Variants in NOL4L observed in about 807,000 individuals in gnomAD.
NOL4L encodes the protein nucleolar protein 4 like.
NOL4L carries 7 observed loss-of-function variants against 64.5 expected under a neutral mutation model. The ratio of observed to expected loss-of-function variants is 0.11; its 90% CI spans 0.06 to 0.20. NOL4L has a LOEUF of 0.20. Ranked by LOEUF, NOL4L falls within the 10% of genes least tolerant of loss-of-function variation. NOL4L has a pLI of 1.00. For synonymous variants in NOL4L, 413 were observed against 401.0 expected (o/e 1.03, Z -0.36); for missense variants, 680 against 967.1 (o/e 0.70, Z 3.94).
intron 1 of NOL4L, among the ~76,000 whole-genome samples, chr20:32,561,529 T>C (rs1979017882): frequency 6.6e-6 from 1 of 151,970 alleles, no homozygotes; most frequent in African/African-American, 2.4e-5. Flanking sequence ...GGGACAGGTG[T>C]GGTGCCCCCA....
At chr20:32,454,006 T>C in intron 6 of NOL4L, 1 of 524,814 alleles carries the variant, frequency 1.9e-6, no homozygotes, top group Non-Finnish European at 3.4e-6. Flanking sequence ...CAATAGTGTA[T>C]GCAGAGACCT....
intron 1 of NOL4L, among the ~76,000 whole-genome samples, chr20:32,582,412 C>T (rs1232830219): frequency 6.6e-6 from 1 of 152,154 alleles, no homozygotes; most frequent in East Asian, 1.9e-4. Flanking sequence ...GCTGGGCCGG[C>T]AGGACCTGGG....
At chr20:32,559,512 T>C (rs2145611121) in intron 1 of NOL4L, among the ~76,000 whole-genome samples, 1 of 152,334 alleles carries the variant, frequency 6.6e-6, no homozygotes, top group African/African-American at 2.4e-5. Flanking sequence ...GGAGCTCTCT[T>C]TGTTCCCGGC....
In NOL4L at chr20:32,454,016, T is replaced by A. The variant is rs111853716; in HGVS notation, c.1120-255A>T. 8.7e-4 allele frequency: 438 copies of A among 501,746 alleles called. 2 individuals carry two copies. The highest frequency in any genetic ancestry group is 7.4e-3 in the African/African-American group (387 of 52,416). 31.1% of individuals were successfully genotyped at this position (501,746 alleles called of 1,614,324 possible). A position where few individuals can be genotyped will look rare whatever the true frequency, so the allele number is the denominator to read the frequency against. ...GACTGCAATAGTGTATGCAGAGACC[T>A]GGTTCCCGGGGCTGCTGAGCGCTTA... is the stretch of plus-strand genomic sequence containing the variant. On this transcript the variant is annotated intron_variant, in intron 6 of 10. Transcript: ENST00000621426.
chr20:32,484,811 G>T (rs1358644082), intron 4 of NOL4L, among the ~76,000 whole-genome samples: 1 of 152,004 alleles, frequency 6.6e-6, no homozygotes, highest in African/African-American at 2.4e-5. Context: ...GGCGCAGGAG[G>T]AGGCAGGACT....
intron 4 of NOL4L, among the ~76,000 whole-genome samples, chr20:32,504,874 C>T (rs183330005): frequency 6.6e-6 from 1 of 152,318 alleles, no homozygotes; most frequent in East Asian, 1.9e-4. Context: ...GCTGGGATTA[C>T]AGGCGTGAGC....
intron 4 of NOL4L, chr20:32,483,299 G>C: frequency 1.1e-6 from 1 of 928,444 alleles, no homozygotes; most frequent in Non-Finnish European, 1.3e-6. Flanking sequence ...AGCCGGAGAA[G>C]GGGGGCGGCG....
intron 1 of NOL4L, among the ~76,000 whole-genome samples, chr20:32,528,455 A>G (rs961071292): frequency 6.6e-6 from 1 of 152,088 alleles, no homozygotes; most frequent in Admixed American, 6.5e-5. Context: ...AGCGCCAGCA[A>G]CGGCACCCGG....
At chr20:32,473,580 C>A (rs1306720194) in intron 5 of NOL4L, among the ~76,000 whole-genome samples, 1 of 152,248 alleles carries the variant, frequency 6.6e-6, no homozygotes, top group East Asian at 1.9e-4. Context: ...TCCTCCCAAA[C>A]AAAGCCGGAT....
chr20:32,467,244 A>C (rs1448243619), intron 5 of NOL4L, among the ~76,000 whole-genome samples: 3 of 151,936 alleles, frequency 2.0e-5, no homozygotes, highest in Non-Finnish European at 4.4e-5. Context: ...CTGCCTGCTT[A>C]GCTGCCCATC....
intron 1 of NOL4L, among the ~76,000 whole-genome samples, chr20:32,549,349 G>A (rs1457818321): frequency 6.6e-6 from 1 of 152,112 alleles, no homozygotes; most frequent in Non-Finnish European, 1.5e-5. Flanking sequence ...TGGCCAATAA[G>A]CACATGAAAA....
At chr20:32,461,308 C>T (rs567204995) in intron 5 of NOL4L, among the ~76,000 whole-genome samples, 4 of 152,206 alleles carry the variant, frequency 2.6e-5, no homozygotes, top group African/African-American at 9.6e-5. Context: ...CACTCTGTCC[C>T]GGGTGTCCCC....
chr20:32,582,776 C>T (rs985995847), intron 1 of NOL4L, among the ~76,000 whole-genome samples: 6 of 152,218 alleles, frequency 3.9e-5, no homozygotes, highest in African/African-American at 1.4e-4. Flanking sequence ...AGCCAACCAT[C>T]TCGTGGGTCA....
chr20:32,575,989 C>T (rs1344655744), intron 1 of NOL4L, among the ~76,000 whole-genome samples: 1 of 152,150 alleles, frequency 6.6e-6, no homozygotes, highest in Non-Finnish European at 1.5e-5. Context: ...CTGTATTTGG[C>T]GTGTTTGGAG....
chr20:32,502,819 G>A (rs1298038410), intron 4 of NOL4L, among the ~76,000 whole-genome samples: 3 of 152,130 alleles, frequency 2.0e-5, no homozygotes, highest in African/African-American at 7.2e-5. Context: ...GCTGAGGCAG[G>A]AGAATCTCTT....
intron 1 of NOL4L, among the ~76,000 whole-genome samples, chr20:32,574,838 GA>G (rs1258701343): frequency 6.6e-6 from 1 of 151,932 alleles, no homozygotes; most frequent in Non-Finnish European, 1.5e-5. Context: ...CAGCCTACCG[GA>G]CACCCTTGGA....
In NOL4L at chr20:32,456,408, G is replaced by T; in HGVS notation, c.842-13C>A. 6.9e-7 allele frequency: 1 copy of T among 1,454,402 alleles called. No homozygotes were observed. Among genetic ancestry groups the T allele is most frequent in the Non-Finnish European group, 9.1e-7 (1 of 1,100,648 alleles). The allele number at this position is 1,454,402 out of a possible 1,614,324, so 90.1% of individuals were successfully genotyped here. On this transcript the variant is annotated splice_polypyrimidine_tract_variant and intron_variant, in intron 5 of 10. Transcript: ENST00000621426. ...GAGGAGGAGTCATCTGGAATGAGAG[G>T]CCTGGGTGTGAGGCCCCACCCAAGG...
At chr20:32,534,182 G>A (rs576585989) in intron 1 of NOL4L, among the ~76,000 whole-genome samples, 5 of 152,298 alleles carry the variant, frequency 3.3e-5, no homozygotes, top group African/African-American at 1.2e-4. Context: ...GCTAAATAGC[G>A]GAGACATTTC....
chr20:32,455,198 A>T (rs974213283), intron 6 of NOL4L, among the ~76,000 whole-genome samples: 1 of 151,890 alleles, frequency 6.6e-6, no homozygotes, highest in Non-Finnish European at 1.5e-5. Flanking sequence ...TGGGCCCCCC[A>T]TGTACCCTGT....
Sources: allele counts gnomAD v4.1 joint callset (sites outside exome capture counted in the v4.1 genomes callset), GRCh38; gene constraint gnomAD v4.1.1; transcripts MANE v1.5; gene names NCBI Gene and HGNC (gene_info 2026-07-23, HGNC 2026-07-21).